The following BCLAF3 variants were observed in gnomAD, a reference collection of about 807,000 sequenced individuals.
BCLAF3 encodes transient octamer binding factor 1.
BCLAF3 carries 24 observed loss-of-function variants against 51.2 expected under a neutral mutation model. The observed-to-expected ratio is 0.47, with a 90% CI of 0.34 to 0.66. BCLAF3 has a LOEUF of 0.66. BCLAF3 is among the 30% of genes least tolerant of loss of function. The pLI is 0.01. For synonymous variants in BCLAF3, 152 were observed against 176.6 expected (o/e 0.86, Z 1.10); for missense variants, 465 against 525.1 (o/e 0.89, Z 1.12).
chrX:19,981,255 A>G (rs2072601977), intron 1 of BCLAF3, among the ~76,000 whole-genome samples: 1 of 112,160 alleles, frequency 8.9e-6, no homozygotes, highest in Non-Finnish European at 1.9e-5. Context: ...TTAAATCTAT[A>G]AAACTTAGAA....
intron 10 of BCLAF3, chrX:19,930,235 T>A (rs2070496417): frequency 5.8e-6 from 1 of 172,160 alleles, no homozygotes; most frequent in Non-Finnish European, 1.1e-5. Flanking sequence ...TGCTTGAACC[T>A]GGGAGGCGGA....
chrX:19,970,330 A>G (rs750985363), intron 1 of BCLAF3, 32 bp from the exon 2 acceptor site: 6 of 1,161,094 alleles, frequency 5.2e-6, no homozygotes, highest in Non-Finnish European at 7.1e-6. Context: ...GCAGGTTTGT[A>G]GAAAGACCCT....
intron 1 of BCLAF3, among the ~76,000 whole-genome samples, chrX:19,978,755 A>AT (rs1365786040): frequency 1.1e-5 from 1 of 89,177 alleles, no homozygotes; most frequent in African/African-American, 5.4e-5. Flanking sequence ...GAAATCTCTT[A>AT]TTTATTTTTT....
Position 19,941,593 on chromosome X carries a change from G to A in BCLAF3, c.1746-4061C>T, listed in dbSNP as rs763021988. Reference sequence around the variant, plus strand: ...GATCAGATAGTTGTAGATATGTGGCGTTATTTCTGAGGGCTCTGTTCTGTT... The same window carrying A: ...GATCAGATAGTTGTAGATATGTGGCATTATTTCTGAGGGCTCTGTTCTGTT... On this transcript the variant is annotated intron_variant, in intron 8 of 11. Transcript: ENST00000379682. Among the ~76,000 whole-genome samples the A allele has an allele frequency of 1.4e-3, 148 of 108,421 alleles. 1 individual carries two copies. In the East Asian group the frequency reaches 0.033, roughly 24 times the overall value. The allele number at this position is 108,421 out of a possible 115,157, so 94.2% of individuals were successfully genotyped here.
intron 4 of BCLAF3, among the ~76,000 whole-genome samples, chrX:19,956,384 T>C (rs1252171943): frequency 1.8e-5 from 2 of 111,638 alleles, no homozygotes; most frequent in African/African-American, 6.5e-5. Context: ...CATGATCTCA[T>C]TTCATCTTTA....
rs757868018 is a variant in BCLAF3, at chrX:19,913,695, C to A, written c.*3610G>T. The A allele has an allele frequency of 9.0e-6, 1 of 110,577 alleles. No individual in the cohort carries two copies. The highest frequency in any genetic ancestry group is 1.9e-5 in the Non-Finnish European group (1 of 52,843). 9.1% of individuals were successfully genotyped at this position (110,577 alleles called of 1,213,427 possible). On this transcript the variant is annotated 3_prime_UTR_variant, in exon 12 of 12. Transcript: ENST00000379682. Reference sequence around the variant, plus strand: ...ACTTTGAGAACCACTGTATTAAGGTCAAGGAAAAAAAAGATTGTGGAAAAA... The same window carrying A: ...ACTTTGAGAACCACTGTATTAAGGTAAAGGAAAAAAAAGATTGTGGAAAAA...
chrX:19,947,179 G>A (rs1349651865), intron 8 of BCLAF3, among the ~76,000 whole-genome samples: 2 of 112,136 alleles, frequency 1.8e-5, no homozygotes, highest in African/African-American at 6.5e-5. Flanking sequence ...GCAATAGCAA[G>A]AACAAAAACT....
intron 7 of BCLAF3, 126 bp from the exon 8 acceptor site, chrX:19,950,994 G>A: frequency 2.5e-6 from 1 of 400,635 alleles, no homozygotes; most frequent in Non-Finnish European, 4.4e-6. Flanking sequence ...TAATGGTATT[G>A]TAAACTAATA....
rs193284060 is a variant in BCLAF3, at chrX:19,935,834, C to T, written c.1925G>A (p.Arg642Gln). 5.0e-6 allele frequency: 6 copies of T among 1,206,975 alleles called. No individual in the cohort carries two copies. Among genetic ancestry groups the T allele is most frequent in the East Asian group, 5.9e-5 (2 of 33,748 alleles). ...CTTAAAAGGTCTTACTCTTGTGTTT[C>T]GGTGGTTTCCCTCAACCTCAAATGG... Reference protein sequence around the residue: ...HKPFEVEGNHRNTRVRPFKSN... With the variant: ...HKPFEVEGNHQNTRVRPFKSN... The change falls in exon 10 of 12, where the codon CGA (arginine) becomes CAA (glutamine). Residue 642 changes from arginine (R) to glutamine (Q), a missense_variant. Physicochemically the swap from Arg to Gln is conservative, Grantham distance 43. Coordinates refer to ENST00000379682, the MANE Select transcript of BCLAF3 (RefSeq NM_001367774.2).
rs185803485 is a variant in BCLAF3 at position 19,925,656 on chromosome X, G to A, written c.2106+4129C>T. Among the ~76,000 whole-genome samples the A allele has an allele frequency of 2.7e-5, 3 of 111,437 alleles. No individual in the cohort carries two copies. The East Asian group carries it at 8.5e-4, about 31-fold the overall frequency. ...CTTGGGATGAAGAGTCATATAAATG[G>A]TACCTCACCCAGGAACCCTACTTGA... On this transcript the variant is annotated intron_variant, in intron 11 of 11. Transcript: ENST00000379682.
chrX:19,952,915 C>T, intron 7 of BCLAF3, 73 bp downstream of exon 7: 1 of 830,741 alleles, frequency 1.2e-6, no homozygotes, highest in Non-Finnish European at 1.7e-6. Context: ...CTTTTCTCTC[C>T]CAACCACCAA....
intron 7 of BCLAF3, among the ~76,000 whole-genome samples, chrX:19,951,595 CAAAA>C (rs58442337): frequency 5.3e-5 from 2 of 38,027 alleles, no homozygotes. Flanking sequence ...GACTCTGTCG[CAAAA>C]AAAAAAAAAA....
intron 11 of BCLAF3, among the ~76,000 whole-genome samples, chrX:19,927,552 C>T (rs143847727): frequency 0.019 from 2,088 of 112,000 alleles, 16 homozygotes; most frequent in African/African-American, 0.028. Flanking sequence ...CAGAGATACA[C>T]ACATTTCTCA....
intron 8 of BCLAF3, among the ~76,000 whole-genome samples, chrX:19,947,891 G>A (rs761565079): frequency 6.1e-4 from 68 of 112,208 alleles, no homozygotes; most frequent in African/African-American, 2.1e-3. Flanking sequence ...CATTTCTTTC[G>A]TATTTCTGTG....
chrX:19,918,044 A>T (rs1004963917), intron 11 of BCLAF3: 1 of 112,091 alleles, frequency 8.9e-6, no homozygotes, highest in Non-Finnish European at 1.9e-5. Flanking sequence ...ATTAAAAAAT[A>T]AAAATTTATT....
intron 5 of BCLAF3, among the ~76,000 whole-genome samples, chrX:19,954,441 C>T (rs754140714): frequency 1.8e-5 from 2 of 112,160 alleles, no homozygotes; most frequent in South Asian, 7.3e-4. Context: ...AGAGAATACA[C>T]TTGGTCCATC....
rs144372435 is a variant in BCLAF3 at position 19,960,678 on chromosome X, T to C, written c.1274+4366A>G. Among the ~76,000 whole-genome samples the C allele has an allele frequency of 3.5e-3, 386 of 111,689 alleles. 1 individual carries two copies. The highest frequency in any genetic ancestry group is 0.012 in the African/African-American group (357 of 30,763). On this transcript the variant is annotated intron_variant, in intron 4 of 11. Coordinates refer to ENST00000379682, the MANE Select transcript of BCLAF3 (RefSeq NM_001367774.2). ...ACAGTGTCCATCATAGGTACACTTA[T>C]GTGACTAGGTTCCCTTCCTTCAATC...
Position 19,937,825 on chromosome X carries a change from C to T in BCLAF3, c.1746-293G>A, listed in dbSNP as rs991453784. 3.6e-5 allele frequency among the ~76,000 whole-genome samples: 4 copies of T among 112,278 alleles called. No homozygotes were observed. The East Asian group carries it at 1.1e-3, about 32-fold the overall frequency. ...CAGGCTTTCTGGGGGCTGTAACCCCCTGAAACCATATGTGAAATGTGTGTT... is the reference window on the plus strand; with the variant it reads ...CAGGCTTTCTGGGGGCTGTAACCCCTTGAAACCATATGTGAAATGTGTGTT... On this transcript the variant is annotated intron_variant, in intron 8 of 11. Coordinates refer to ENST00000379682, the MANE Select transcript of BCLAF3 (RefSeq NM_001367774.2).
At chrX:19,921,684 C>T (rs1196766192) in intron 11 of BCLAF3, among the ~76,000 whole-genome samples, 2 of 110,302 alleles carry the variant, frequency 1.8e-5, no homozygotes, top group African/African-American at 6.6e-5. Flanking sequence ...GCCTGGACGC[C>T]AGAGTGAGAC....
Sources: gnomAD v4.1 joint callset for allele counts (sites outside exome capture counted in the v4.1 genomes callset) on GRCh38, gnomAD v4.1.1 for gene constraint, MANE v1.5 for transcripts, NCBI Gene and HGNC (gene_info 2026-07-23, HGNC 2026-07-21) for gene names.